MFAP3L: variants seen among roughly 807,000 people sequenced by gnomAD.
MFAP3L encodes microfibrillar-associated protein 3-like.
Under a neutral mutation model 20.0 loss-of-function variants are expected in MFAP3L, and 5 were observed. That is an observed-to-expected ratio of 0.25 (90% CI 0.13 to 0.53). The LOEUF (loss-of-function observed/expected upper bound fraction) is 0.53. Ranked by LOEUF, MFAP3L falls within the 20% of genes least tolerant of loss-of-function variation. The pLI is 0.96. For missense variants in MFAP3L, 409 were observed against 527.5 expected (o/e 0.78, Z 2.20); for synonymous variants, 219 against 213.0 (o/e 1.03, Z -0.25).
chr4:169,999,348 G>C (rs2110961466), intron 2 of MFAP3L, among the ~76,000 whole-genome samples: 1 of 152,334 alleles, frequency 6.6e-6, no homozygotes, highest in African/African-American at 2.4e-5. Flanking sequence ...AGAATCTGTA[G>C]TTCTGTTCTA....
chr4:170,002,058 T>C (rs758741591), intron 2 of MFAP3L: 59 of 985,370 alleles, frequency 6.0e-5, no homozygotes, highest in Non-Finnish European at 6.5e-5. Flanking sequence ...CCGATGATTT[T>C]TGAACGCCTT....
intron 2 of MFAP3L, chr4:169,994,830 A>C (rs1234617518): frequency 6.6e-6 from 1 of 152,294 alleles, no homozygotes; most frequent in Non-Finnish European, 1.5e-5. Flanking sequence ...AATGGTTTTC[A>C]TATACTTTAT....
At chr4:170,025,201 G>C (rs1175690641) in intron 1 of MFAP3L, among the ~76,000 whole-genome samples, 1 of 152,152 alleles carries the variant, frequency 6.6e-6, no homozygotes, top group African/African-American at 2.4e-5. Context: ...ATAACTTACG[G>C]TCTCATGAAA....
intron 2 of MFAP3L, chr4:169,993,424 GTATC>G (rs1481382252): frequency 6.6e-6 from 1 of 152,212 alleles, no homozygotes; most frequent in African/African-American, 2.4e-5. Flanking sequence ...GCAGTTTCAA[GTATC>G]TATTATTGCA....
chr4:169,997,045 C>T lies in MFAP3L; in HGVS notation c.299-4736G>A, dbSNP rs140340837. Among the ~76,000 whole-genome samples, 16 of 151,348 alleles carry T rather than the reference C, an allele frequency of 1.1e-4. No individual in the cohort carries two copies. In the East Asian group the frequency reaches 2.5e-3, roughly 24 times the overall value. ...AAGTCCAGAACCAGATGCAGCCAAG[C>T]GTGAGAAGTTTAAAGATGAAGACCA... On this transcript the variant is annotated intron_variant, in intron 2 of 2. Coordinates refer to ENST00000361618, the MANE Select transcript of MFAP3L (RefSeq NM_021647.8).
intron 1 of MFAP3L, among the ~76,000 whole-genome samples, chr4:170,017,644 A>G (rs1006692474): frequency 6.6e-6 from 1 of 152,224 alleles, no homozygotes; most frequent in Non-Finnish European, 1.5e-5. Context: ...TAATTATTTT[A>G]AAATTTTGTT....
rs1737417573 is a variant in MFAP3L at position 169,988,329 on chromosome 4, A to G, written c.*3049T>C. On this transcript the variant is annotated 3_prime_UTR_variant, in exon 3 of 3. Coordinates refer to ENST00000361618, the MANE Select transcript of MFAP3L (RefSeq NM_021647.8). ...CCCCATTTAGAATAAATACCATCCA[A>G]GTTTACAGATCATCTAAGTGAATTA... 6.6e-6 allele frequency: 1 copy of G among 152,228 alleles called. No homozygotes were observed. The highest frequency in any genetic ancestry group is 2.1e-4 in the South Asian group (1 of 4,832). 9.4% of individuals were successfully genotyped at this position (152,228 alleles called of 1,614,324 possible).
At chr4:170,015,792 C>T (rs1739662962) in intron 1 of MFAP3L, among the ~76,000 whole-genome samples, 1 of 152,174 alleles carries the variant, frequency 6.6e-6, no homozygotes, top group Admixed American at 6.5e-5. Flanking sequence ...CTGAGCCTCA[C>T]TACTTTTACC....
rs1006670640 is a variant in MFAP3L, at chr4:169,987,846, C to T, written c.*3532G>A. ...CATAGGTAAATTCATCCAGTCTTTCCATCACATTGCTTTCTTGTTATCTCA... is the reference window on the plus strand; with the variant it reads ...CATAGGTAAATTCATCCAGTCTTTCTATCACATTGCTTTCTTGTTATCTCA... On this transcript the variant is annotated 3_prime_UTR_variant, in exon 3 of 3. Coordinates refer to ENST00000361618, the MANE Select transcript of MFAP3L (RefSeq NM_021647.8). 4 of 152,130 alleles carry T rather than the reference C, an allele frequency of 2.6e-5. No homozygotes were observed. Among genetic ancestry groups the T allele is most frequent in the Non-Finnish European group, 5.9e-5 (4 of 68,018 alleles). 9.4% of individuals were successfully genotyped at this position (152,130 alleles called of 1,614,324 possible). A position where few individuals can be genotyped will look rare whatever the true frequency, so the allele number is the denominator to read the frequency against.
rs767140737 is a variant in MFAP3L, at chr4:170,005,628, T to C, written c.250A>G (p.Ile84Val). Residue 84 changes from isoleucine to valine, a missense_variant, in exon 2 of 3, where the codon ATT (isoleucine) becomes GTT (valine). Physicochemically the swap from Ile to Val is conservative, Grantham distance 29. Coordinates refer to ENST00000361618, the MANE Select transcript of MFAP3L (RefSeq NM_021647.8). ...PDPQFKWYNS[I>V]GKLLKEEEDE... ...TCTTCTTCTTTCAGCAGCTTGCCAA[T>C]GGAATTATACCACTTGAACTGTGGG... The C allele has an allele frequency of 1.9e-6, 3 of 1,614,208 alleles. No homozygotes were observed. In the South Asian group the frequency reaches 3.3e-5, roughly 18 times the overall value.
At chr4:170,027,083 A>G (rs1412459105), upstream of MFAP3L, 1 of 151,920 alleles carries the variant, frequency 6.6e-6, no homozygotes, top group South Asian at 2.1e-4. Flanking sequence ...TATTATTTGT[A>G]ATTTCCACGT....
intron 1 of MFAP3L, among the ~76,000 whole-genome samples, chr4:170,008,604 G>A (rs192679522): frequency 1.6e-4 from 24 of 152,256 alleles, no homozygotes; most frequent in Admixed American, 1.3e-3. Flanking sequence ...GGGTAGGAAG[G>A]AGGGGCACCG....
Position 170,015,189 on chromosome 4 carries a change from G to A in MFAP3L, c.-133-9179C>T, listed in dbSNP as rs912546829. ...TTTAGGATTAAGACCCACAAGCTGG[G>A]AGTGAGGATACTTACTCCTTTCCTC... On this transcript the variant is annotated intron_variant, in intron 1 of 2. Coordinates refer to ENST00000361618, the MANE Select transcript of MFAP3L (RefSeq NM_021647.8). Among the ~76,000 whole-genome samples the A allele has an allele frequency of 5.9e-5, 9 of 152,322 alleles. No homozygotes were observed. In the East Asian group the frequency reaches 1.7e-3, roughly 29 times the overall value.
At chr4:169,996,984 G>A (rs975784636) in intron 2 of MFAP3L, among the ~76,000 whole-genome samples, 2 of 152,102 alleles carry the variant, frequency 1.3e-5, no homozygotes, top group Non-Finnish European at 2.9e-5. Flanking sequence ...ATAAAGCCTT[G>A]TGTGAACTCT....
At chr4:170,001,756 T>C (rs968141804) in intron 2 of MFAP3L, among the ~76,000 whole-genome samples, 6 of 152,240 alleles carry the variant, frequency 3.9e-5, no homozygotes, top group African/African-American at 1.4e-4. Context: ...CTTTATGGTG[T>C]GTGGACTACC....
At chr4:170,026,134 A>G (rs1000120126) in intron 1 of MFAP3L, 100 bp downstream of exon 1, 1 of 690,342 alleles carries the variant, frequency 1.4e-6, no homozygotes, top group African/African-American at 1.9e-5. Context: ...CAAACACCCG[A>G]AAGTTCGGCG....
At position 170,010,884 on chromosome 4, in the gene MFAP3L, G is replaced by C. The variant is rs183021935; in HGVS notation, c.-133-4874C>G. ...ATTTTAGATAATTAGGGTGATCTCT[G>C]AATATAAACTATGGTGATATGGTTT... On this transcript the variant is annotated intron_variant, in intron 1 of 2. Transcript: ENST00000361618. Among the ~76,000 whole-genome samples the C allele has an allele frequency of 1.0e-3, 159 of 152,188 alleles. 1 individual carries two copies. Among genetic ancestry groups the C allele is most frequent in the Middle Eastern group, 0.01 (3 of 294 alleles).
Position 170,005,752 on chromosome 4 carries a change from G to A in MFAP3L, c.126C>T (p.Val42=), listed in dbSNP as rs775007085. 2.5e-6 allele frequency: 4 copies of A among 1,614,222 alleles called. No individual in the cohort carries two copies. Among genetic ancestry groups the A allele is most frequent in the Non-Finnish European group, 1.7e-6 (2 of 1,180,042 alleles). ...TNSTLNGTNV[V]LGSVPVIIAR... is the part of the protein sequence containing the mutation. The stretch of plus-strand genomic sequence containing the variant: ...CAATGATTACGGGCACAGAGCCCAA[G>A]ACCACGTTAGTGCCATTTAAAGTGC... The change falls in exon 2 of 3, where the codon GTC becomes GTT. Residue 42 remains valine, a synonymous_variant. Transcript: ENST00000361618.
intron 2 of MFAP3L, among the ~76,000 whole-genome samples, chr4:170,002,558 C>T (rs537603519): frequency 3.3e-5 from 5 of 151,884 alleles, no homozygotes; most frequent in South Asian, 4.2e-4. Flanking sequence ...TCACCAGGCT[C>T]GAGTGCAGTG....
Sources: gnomAD v4.1 joint callset for allele counts (sites outside exome capture counted in the v4.1 genomes callset) on GRCh38, gnomAD v4.1.1 for gene constraint, MANE v1.5 for transcripts, NCBI Gene and HGNC (gene_info 2026-07-23, HGNC 2026-07-21) for gene names.